The following OLFM3 variants were observed in gnomAD, a reference collection of about 807,000 sequenced individuals.
OLFM3 encodes the protein olfactomedin 3.
In OLFM3, 20 loss-of-function variants were observed where a neutral mutation model predicts 48.6. The ratio of observed to expected loss-of-function variants is 0.41; its 90% CI spans 0.29 to 0.60. OLFM3 has a LOEUF of 0.60. Ranked by LOEUF, OLFM3 falls within the 20% of genes least tolerant of loss-of-function variation. OLFM3 has a pLI of 0.28. For synonymous variants in OLFM3, 222 were observed against 198.1 expected, an observed-to-expected ratio of 1.12 and a Z score of -1.01; for missense variants, 437 against 544.3, an observed-to-expected ratio of 0.80 and a Z score of 1.96.
At chr1:101,975,454 T>G (rs1195522225) in intron 1 of OLFM3, among the ~76,000 whole-genome samples, 1 of 152,156 alleles carries the variant, frequency 6.6e-6, no homozygotes, top group East Asian at 1.9e-4. Context: ...ATCCTTTTTT[T>G]GCGGCGGGTA....
At chr1:101,851,163 G>A (rs545639280) in intron 1 of OLFM3, among the ~76,000 whole-genome samples, 159 of 152,206 alleles carry the variant, frequency 1.0e-3, no homozygotes, top group African/African-American at 3.5e-3. Context: ...AGAGTGACCA[G>A]GTACATAAAC....
chr1:101,873,378 A>G (rs1203696492), intron 1 of OLFM3, among the ~76,000 whole-genome samples: 3 of 151,942 alleles, frequency 2.0e-5, no homozygotes, highest in Non-Finnish European at 4.4e-5. Context: ...TGTCTTCAAT[A>G]TATGAAATTC....
chr1:101,982,975 A>G lies in OLFM3; in HGVS notation c.69+13773T>C, dbSNP rs141983891. 2.1e-3 allele frequency among the ~76,000 whole-genome samples: 320 copies of G among 152,276 alleles called. 3 individuals are homozygous for G. The South Asian group carries it at 0.026, about 12-fold the overall frequency. On this transcript the variant is annotated intron_variant, in intron 1 of 5. Coordinates refer to ENST00000370103, the MANE Select transcript of OLFM3 (RefSeq NM_058170.4). ...TTCTCAGGAGAACCTCGAATAGTAC[A>G]ACTAAATTGTATGTTTTTTAAATTC...
intron 1 of OLFM3, among the ~76,000 whole-genome samples, chr1:101,947,521 C>T (rs1230289968): frequency 2.6e-5 from 4 of 152,090 alleles, no homozygotes; most frequent in African/African-American, 9.7e-5. Flanking sequence ...GTAATTCCAG[C>T]TACTTGGGAG....
At chr1:101,957,341 T>C (rs1660329174) in intron 1 of OLFM3, among the ~76,000 whole-genome samples, 1 of 152,050 alleles carries the variant, frequency 6.6e-6, no homozygotes, top group African/African-American at 2.4e-5. Context: ...TACAAGTCAA[T>C]TTATATTTTA....
intron 1 of OLFM3, among the ~76,000 whole-genome samples, chr1:101,959,879 T>C (rs181073154): frequency 7.2e-5 from 11 of 152,278 alleles, no homozygotes; most frequent in Admixed American, 2.0e-4. Flanking sequence ...ACGAGAAATA[T>C]GGCAAATGGA....
intron 2 of OLFM3, among the ~76,000 whole-genome samples, chr1:101,834,417 T>C (rs1655304203): frequency 6.6e-6 from 1 of 152,236 alleles, no homozygotes; most frequent in Non-Finnish European, 1.5e-5. Context: ...CCCTTATATG[T>C]GACTAAATCA....
At chr1:101,828,270 C>A (rs2100906278) in intron 3 of OLFM3, among the ~76,000 whole-genome samples, 1 of 152,250 alleles carries the variant, frequency 6.6e-6, no homozygotes, top group South Asian at 2.1e-4. Context: ...GTTTCCTTAT[C>A]TTTAAAATGG....
intron 1 of OLFM3, among the ~76,000 whole-genome samples, chr1:101,931,914 C>T (rs1052639012): frequency 1.1e-4 from 17 of 152,216 alleles, no homozygotes; most frequent in African/African-American, 2.9e-4. Context: ...GCACATCACC[C>T]GGGACACACT....
intron 1 of OLFM3, among the ~76,000 whole-genome samples, chr1:101,986,190 C>T (rs560557398): frequency 2.6e-5 from 4 of 151,522 alleles, no homozygotes; most frequent in African/African-American, 4.9e-5. Context: ...TGGTCTCGAT[C>T]CCTGACCTCG....
rs185238949 is a variant in OLFM3, at chr1:101,886,949, C to T, written c.70-49924G>A. On this transcript the variant is annotated intron_variant, in intron 1 of 5. Transcript: ENST00000370103. ...TCATACTTTCCTCCTATGGACTACC[C>T]TCAGTTATATAATTTCTTCTCTTGA... Among the ~76,000 whole-genome samples, 18 of 152,080 alleles carry T rather than the reference C, an allele frequency of 1.2e-4. No individual in the cohort carries two copies. The East Asian group carries it at 2.7e-3, about 23-fold the overall frequency.
At chr1:101,991,702 G>C (rs1175279076) in intron 1 of OLFM3, among the ~76,000 whole-genome samples, 1 of 150,056 alleles carries the variant, frequency 6.7e-6, no homozygotes, top group Non-Finnish European at 1.5e-5. Context: ...TAGGAAACGT[G>C]TTGGTTTTCA....
chr1:101,806,753 C>G (rs938835820), intron 4 of OLFM3, among the ~76,000 whole-genome samples: 1 of 151,658 alleles, frequency 6.6e-6, no homozygotes, highest in Non-Finnish European at 1.5e-5. Context: ...ATGCCTTATA[C>G]AGCTAACAGG....
intron 1 of OLFM3, among the ~76,000 whole-genome samples, chr1:101,924,705 T>C (rs1659211716): frequency 6.6e-6 from 1 of 152,152 alleles, no homozygotes; most frequent in Non-Finnish European, 1.5e-5. Context: ...TCAATTTAAT[T>C]CCCATAATGG....
chr1:101,958,009 C>G (rs948216854), intron 1 of OLFM3, among the ~76,000 whole-genome samples: 1 of 152,002 alleles, frequency 6.6e-6, no homozygotes, highest in Non-Finnish European at 1.5e-5. Flanking sequence ...ATTTATGTGG[C>G]TAAATGAATG....
At chr1:101,970,368 C>A (rs534962145) in intron 1 of OLFM3, among the ~76,000 whole-genome samples, 1 of 152,088 alleles carries the variant, frequency 6.6e-6, no homozygotes, top group East Asian at 1.9e-4. Context: ...TCAGATATAG[C>A]TATAAAAATA....
chr1:101,948,968 C>T (rs1367258704), intron 1 of OLFM3, among the ~76,000 whole-genome samples: 1 of 150,702 alleles, frequency 6.6e-6, no homozygotes, highest in Non-Finnish European at 1.5e-5. Flanking sequence ...TTCGCACAAA[C>T]TATGCAGGAA....
At chr1:101,816,226 A>T (rs890671545) in intron 4 of OLFM3, among the ~76,000 whole-genome samples, 2 of 152,228 alleles carry the variant, frequency 1.3e-5, no homozygotes, top group African/African-American at 4.8e-5. Flanking sequence ...TAACCAAAGT[A>T]GCAGCTATAA....
At chr1:101,971,657 G>A (rs992192954) in intron 1 of OLFM3, among the ~76,000 whole-genome samples, 1 of 152,038 alleles carries the variant, frequency 6.6e-6, no homozygotes. Flanking sequence ...ATATTTTGAG[G>A]CCCAATTAGA....
Sources: allele counts gnomAD v4.1 joint callset (sites outside exome capture counted in the v4.1 genomes callset), GRCh38; gene constraint gnomAD v4.1.1; transcripts MANE v1.5; gene names NCBI Gene and HGNC (gene_info 2026-07-23, HGNC 2026-07-21).